The following FRMPD4 variants were observed in gnomAD, a reference collection of about 807,000 sequenced individuals.
FRMPD4 encodes FERM and PDZ domain-containing protein 4.
A neutral mutation model predicts 94.1 loss-of-function variants in FRMPD4; 22 were observed. The ratio of observed to expected loss-of-function variants is 0.23; its 90% CI spans 0.17 to 0.33. The LOEUF (loss-of-function observed/expected upper bound fraction) is 0.33. Ranked by LOEUF, FRMPD4 falls within the 10% of genes least tolerant of loss-of-function variation. The pLI is 1.00. For synonymous variants in FRMPD4, 631 were observed against 548.6 expected (o/e 1.15, Z -2.10); for missense variants, 1,111 against 1,339.9 (o/e 0.83, Z 2.67).
chrX:11,879,080 CT>C (rs2053800197), intron 3 of FRMPD4, among the ~76,000 whole-genome samples: 1 of 111,858 alleles, frequency 8.9e-6, no homozygotes, highest in Non-Finnish European at 1.9e-5. Flanking sequence ...CAAATGAAAC[CT>C]TTTTTTGTTA....
In FRMPD4 at chrX:12,707,591, C is replaced by T. The variant is rs775990316; in HGVS notation, c.1410C>T (p.Ile470=). 6 of 1,209,287 alleles carry T rather than the reference C, an allele frequency of 5.0e-6. No homozygotes were observed. Among genetic ancestry groups the T allele is most frequent in the East Asian group, 3.0e-5 (1 of 33,674 alleles). Residue 470 remains isoleucine (I), a synonymous_variant, in exon 13 of 17, where the codon ATC becomes ATT. Coordinates refer to ENST00000675598, the MANE Select transcript of FRMPD4 (RefSeq NM_001368397.1). ...LLADFSHVNR[I]EMFSEEESLV... ...CCGACTTTAGCCACGTCAACAGGAT[C>T]GAAATGTTTTCCGAGGAGGAGAGCT...
intron 2 of FRMPD4, among the ~76,000 whole-genome samples, chrX:12,539,569 C>T (rs1158330892): frequency 9.0e-6 from 1 of 111,248 alleles, no homozygotes; most frequent in Non-Finnish European, 1.9e-5. Context: ...AAGGGAAGCC[C>T]ATCAGACTAA....
chrX:11,950,858 G>A (rs1465972506), intron 3 of FRMPD4, among the ~76,000 whole-genome samples: 3 of 110,115 alleles, frequency 2.7e-5, no homozygotes, highest in East Asian at 2.8e-4. Context: ...AGGAGTTCTC[G>A]ACCAGCCTGG....
At chrX:12,380,874 T>G (rs972012795) in intron 1 of FRMPD4, among the ~76,000 whole-genome samples, 1 of 111,900 alleles carries the variant, frequency 8.9e-6, no homozygotes, top group African/African-American at 3.2e-5. Context: ...GTCTCTCCAC[T>G]GTACGGTTGA....
intron 4 of FRMPD4, among the ~76,000 whole-genome samples, chrX:12,664,665 T>G (rs954324256): frequency 8.9e-6 from 1 of 112,047 alleles, no homozygotes; most frequent in Non-Finnish European, 1.9e-5. Context: ...TGAAATTCTC[T>G]TCTTTTGTTG....
chrX:12,588,191 A>G (rs183275026), intron 2 of FRMPD4, among the ~76,000 whole-genome samples: 105 of 111,635 alleles, frequency 9.4e-4, no homozygotes, highest in Non-Finnish European at 1.8e-3. Context: ...GGATTTCACC[A>G]TGTTGGCCAG....
At chrX:11,990,128 A>G (rs192300369) in intron 3 of FRMPD4, among the ~76,000 whole-genome samples, 289 of 112,715 alleles carry the variant, frequency 2.6e-3, no homozygotes, top group Middle Eastern at 4.6e-3. Flanking sequence ...ATTCAGCTGT[A>G]AAAAAGAATG....
At chrX:11,900,190 A>AT (rs10712905) in intron 3 of FRMPD4, among the ~76,000 whole-genome samples, 81 of 104,236 alleles carry the variant, frequency 7.8e-4, no homozygotes, top group East Asian at 1.8e-3. Context: ...GTTTCAGAGG[A>AT]TTTTTTTTTT....
intron 11 of FRMPD4, among the ~76,000 whole-genome samples, chrX:12,704,917 C>G (rs2041848744): frequency 1.8e-5 from 2 of 112,334 alleles, no homozygotes; most frequent in African/African-American, 6.5e-5. Context: ...TCAACTGTGG[C>G]GTAATTGACA....
intron 2 of FRMPD4, among the ~76,000 whole-genome samples, chrX:12,546,823 C>G (rs1441803753): frequency 3.7e-5 from 4 of 108,785 alleles, no homozygotes; most frequent in Non-Finnish European, 5.7e-5. Context: ...CCAGCTGAGG[C>G]TTTACCTGGC....
chrX:12,411,808 T>C (rs2056735502), intron 1 of FRMPD4, among the ~76,000 whole-genome samples: 1 of 111,224 alleles, frequency 9.0e-6, no homozygotes, highest in South Asian at 3.9e-4. Context: ...GATGACCTAG[T>C]AAGCTCCTGA....
chrX:12,560,076 A>G (rs1342471824), intron 2 of FRMPD4, among the ~76,000 whole-genome samples: 2 of 112,305 alleles, frequency 1.8e-5, no homozygotes, highest in Admixed American at 9.4e-5. Flanking sequence ...CCTACTGAAA[A>G]AATATTGGTT....
intron 3 of FRMPD4, among the ~76,000 whole-genome samples, chrX:11,973,768 G>A (rs1359652537): frequency 1.8e-5 from 2 of 111,915 alleles, no homozygotes; most frequent in African/African-American, 6.5e-5. Context: ...CTGGTGATAA[G>A]GAGTGCTATA....
At chrX:12,672,528 CTTT>C (rs757644716) in intron 4 of FRMPD4, among the ~76,000 whole-genome samples, 1 of 111,634 alleles carries the variant, frequency 9.0e-6, no homozygotes, top group Non-Finnish European at 1.9e-5. Flanking sequence ...TTCCTGCTGC[CTTT>C]TTTTTCAGTT....
chrX:11,845,811 C>T (rs1362402071), intron 1 of FRMPD4, among the ~76,000 whole-genome samples: 1 of 108,552 alleles, frequency 9.2e-6, no homozygotes, highest in Non-Finnish European at 1.9e-5. Context: ...CACAAAAGGC[C>T]TTTGACAAAA....
intron 1 of FRMPD4, among the ~76,000 whole-genome samples, chrX:12,397,603 C>T (rs2056558876): frequency 9.0e-6 from 1 of 111,727 alleles, no homozygotes; most frequent in Admixed American, 9.5e-5. Context: ...GTCTTAAGTA[C>T]TTAAGTGCTT....
At chrX:12,490,056 A>C (rs1330547213) in intron 1 of FRMPD4, among the ~76,000 whole-genome samples, 1 of 111,632 alleles carries the variant, frequency 9.0e-6, no homozygotes, top group Non-Finnish European at 1.9e-5. Flanking sequence ...ATGTAATGTC[A>C]TGAGGGCACT....
intron 2 of FRMPD4, among the ~76,000 whole-genome samples, chrX:12,505,951 G>A (rs746036456): frequency 8.9e-6 from 1 of 111,880 alleles, no homozygotes; most frequent in African/African-American, 3.2e-5. Flanking sequence ...CACTACTCTT[G>A]GAGCCAGTGA....
intron 1 of FRMPD4, among the ~76,000 whole-genome samples, chrX:12,387,261 A>G (rs1320260150): frequency 8.9e-6 from 1 of 112,389 alleles, no homozygotes; most frequent in African/African-American, 3.2e-5. Context: ...GGATCCCACA[A>G]ACATTCTCAG....
Sources: gnomAD v4.1 joint callset for allele counts (sites outside exome capture counted in the v4.1 genomes callset) on GRCh38, gnomAD v4.1.1 for gene constraint, MANE v1.5 for transcripts, NCBI Gene and HGNC (gene_info 2026-07-23, HGNC 2026-07-21) for gene names.